TMEM132C: variants seen among roughly 807,000 people sequenced by gnomAD.
TMEM132C encodes transmembrane protein 132C, also known as protein phosphatase 1, regulatory subunit 152.
A neutral mutation model predicts 61.4 loss-of-function variants in TMEM132C; 29 were observed. The observed-to-expected ratio is 0.47, with a 90% CI of 0.35 to 0.64. The LOEUF is 0.64. Ranked by LOEUF, TMEM132C falls within the 30% of genes least tolerant of loss-of-function variation. The pLI, the probability that TMEM132C is intolerant of heterozygous loss-of-function variation, is 0.00. For synonymous variants in TMEM132C, 656 were observed against 633.1 expected (o/e 1.04, Z -0.54); for missense variants, 1,408 against 1,476.9 (o/e 0.95, Z 0.76).
chr12:128,313,265 A>G (rs1872036420), intron 1 of TMEM132C, among the ~76,000 whole-genome samples: 2 of 152,246 alleles, frequency 1.3e-5, no homozygotes, highest in African/African-American at 4.8e-5. Flanking sequence ...CACATATGAT[A>G]GGACATCACC....
intron 4 of TMEM132C, among the ~76,000 whole-genome samples, chr12:128,660,259 G>A (rs12822734): frequency 0.16 from 24,278 of 152,132 alleles, 2,079 homozygotes; most frequent in Middle Eastern, 0.24. Flanking sequence ...ATTCCTCCTC[G>A]TCCAGGTGGG....
intron 2 of TMEM132C, among the ~76,000 whole-genome samples, chr12:128,416,563 G>T (rs1302172695): frequency 6.6e-6 from 1 of 152,180 alleles, no homozygotes; most frequent in Non-Finnish European, 1.5e-5. Flanking sequence ...TGAATGAGTT[G>T]CTTGGAAAAA....
intron 2 of TMEM132C, among the ~76,000 whole-genome samples, chr12:128,434,782 T>C (rs1322680327): frequency 6.6e-6 from 1 of 151,722 alleles, no homozygotes; most frequent in Non-Finnish European, 1.5e-5. Context: ...TTTTTTTAAA[T>C]TTTTTATTTT....
chr12:128,700,385 T>C (rs1230320589), intron 8 of TMEM132C, among the ~76,000 whole-genome samples: 2 of 152,332 alleles, frequency 1.3e-5, no homozygotes, highest in African/African-American at 4.8e-5. Context: ...TAGAAGTTAG[T>C]CTCAATCATG....
chr12:128,622,238 G>A, intron 4 of TMEM132C, among the ~76,000 whole-genome samples: 1 of 149,876 alleles, frequency 6.7e-6, no homozygotes, highest in Non-Finnish European at 1.5e-5. Flanking sequence ...CAGCTACTCG[G>A]GAGGCTGAGG....
intron 4 of TMEM132C, among the ~76,000 whole-genome samples, chr12:128,668,844 C>A (rs574451311): frequency 3.0e-4 from 46 of 152,146 alleles, no homozygotes; most frequent in Non-Finnish European, 2.1e-4. Context: ...GCAACATCTC[C>A]TCCTCCTCCT....
chr12:128,315,394 C>G (rs112234817), intron 1 of TMEM132C, among the ~76,000 whole-genome samples: 134 of 152,098 alleles, frequency 8.8e-4, no homozygotes, highest in African/African-American at 2.9e-3. Context: ...TTGGATTTGT[C>G]TAGGGAAAGG....
chr12:128,354,468 C>T (rs1873437742), intron 1 of TMEM132C, among the ~76,000 whole-genome samples: 1 of 148,356 alleles, frequency 6.7e-6, no homozygotes, highest in East Asian at 2.0e-4. Context: ...TTTCTTTCTT[C>T]CTTCCTTCCT....
At chr12:128,688,908 C>T (rs1367488432) in intron 5 of TMEM132C, among the ~76,000 whole-genome samples, 1 of 152,196 alleles carries the variant, frequency 6.6e-6, no homozygotes, top group Non-Finnish European at 1.5e-5. Flanking sequence ...ATTCTCCTGC[C>T]TCAGCCTCCT....
intron 4 of TMEM132C, among the ~76,000 whole-genome samples, chr12:128,654,329 G>C (rs866848302): frequency 1.3e-5 from 2 of 152,114 alleles, no homozygotes; most frequent in Middle Eastern, 3.2e-3. Flanking sequence ...CAGGGTTGCA[G>C]GCAAACCCCT....
intron 1 of TMEM132C, among the ~76,000 whole-genome samples, chr12:128,305,737 C>A (rs1402224529): frequency 2.0e-5 from 3 of 152,060 alleles, no homozygotes. Flanking sequence ...TTAAGAAGAA[C>A]CCTGAATCTA....
intron 1 of TMEM132C, among the ~76,000 whole-genome samples, chr12:128,368,209 C>A (rs746855164): frequency 4.4e-4 from 67 of 152,248 alleles, no homozygotes; most frequent in Non-Finnish European, 6.8e-4. Context: ...AGGCCACAGT[C>A]TGCATAGCAG....
At chr12:128,520,467 G>T (rs1035295745) in intron 2 of TMEM132C, among the ~76,000 whole-genome samples, 25 of 152,246 alleles carry the variant, frequency 1.6e-4, no homozygotes, top group Non-Finnish European at 2.5e-4. Context: ...CCTTCCACTG[G>T]CTGGGAGACA....
intron 1 of TMEM132C, among the ~76,000 whole-genome samples, chr12:128,328,467 C>T (rs187247636): frequency 6.6e-5 from 10 of 152,078 alleles, no homozygotes; most frequent in African/African-American, 9.6e-5. Context: ...TAGTTTGATG[C>T]GAAATTAACT....
At chr12:128,379,940 G>A (rs751456828) in intron 1 of TMEM132C, among the ~76,000 whole-genome samples, 3 of 152,318 alleles carry the variant, frequency 2.0e-5, no homozygotes, top group South Asian at 2.1e-4. Context: ...GGGATAGTCC[G>A]TGAGTATGGG....
At chr12:128,373,488 G>C (rs187128155) in intron 1 of TMEM132C, among the ~76,000 whole-genome samples, 302 of 152,322 alleles carry the variant, frequency 2.0e-3, no homozygotes, top group Non-Finnish European at 2.7e-3. Flanking sequence ...AGGGGAGAAA[G>C]AGAGAATGAA....
intron 4 of TMEM132C, among the ~76,000 whole-genome samples, chr12:128,652,305 T>A (rs1467151522): frequency 6.6e-6 from 1 of 152,186 alleles, no homozygotes; most frequent in East Asian, 1.9e-4. Flanking sequence ...ACAGAGCACC[T>A]GCAAGGAAGC....
chr12:128,627,688 G>A (rs2135591930), intron 4 of TMEM132C, among the ~76,000 whole-genome samples: 1 of 152,260 alleles, frequency 6.6e-6, no homozygotes, highest in African/African-American at 2.4e-5. Context: ...TGTGAGCCCT[G>A]GGTCCCCTGT....
chr12:128,631,947 T>C (rs950510910), intron 4 of TMEM132C, among the ~76,000 whole-genome samples: 6 of 152,150 alleles, frequency 3.9e-5, no homozygotes, highest in Admixed American at 3.9e-4. Context: ...TGTGCCTGCC[T>C]CCCGCATAAC....
Sources: gnomAD v4.1 joint callset for allele counts (sites outside exome capture counted in the v4.1 genomes callset) on GRCh38, gnomAD v4.1.1 for gene constraint, MANE v1.5 for transcripts, NCBI Gene and HGNC (gene_info 2026-07-23, HGNC 2026-07-21) for gene names.